VAMP7: variants seen among roughly 807,000 people sequenced by gnomAD.
VAMP7 encodes vesicle-associated membrane protein 7.
VAMP7 carries 14 observed loss-of-function variants against 29.6 expected under a neutral mutation model. The observed-to-expected ratio is 0.47, with a 90% CI of 0.31 to 0.74. The LOEUF (loss-of-function observed/expected upper bound fraction) is 0.74, where lower values mean the gene tolerates loss of function less well. Ranked by LOEUF, VAMP7 falls within the 30% of genes least tolerant of loss-of-function variation. The pLI is 0.05. For missense variants in VAMP7, 223 were observed against 262.4 expected, an observed-to-expected ratio of 0.85 and a Z score of 1.04; for synonymous variants, 95 against 88.1, an observed-to-expected ratio of 1.08 and a Z score of -0.44.
intron 6 of VAMP7, among the ~76,000 whole-genome samples, chrX:155,922,216 T>A (rs2066406473): frequency 6.6e-6 from 1 of 152,052 alleles, no homozygotes; most frequent in Non-Finnish European, 1.5e-5. Context: ...CATTCCTGCC[T>A]TTTATTTTCC....
chrX:155,942,044 T>C lies in VAMP7; in HGVS notation c.*93T>C. The C allele has an allele frequency of 6.2e-7, 1 of 1,608,406 alleles. No homozygotes were observed. The highest frequency in any genetic ancestry group is 8.5e-7 in the Non-Finnish European group (1 of 1,176,790). On this transcript the variant is annotated 3_prime_UTR_variant, in exon 8 of 8. Transcript: ENST00000286448. ...AAGCCTTTCACATACTGACAGATGG[T>C]ATCTGCCAGTCTCTTCAACCCTCTT...
At chrX:155,905,443 T>C (rs1385011101) in intron 5 of VAMP7, among the ~76,000 whole-genome samples, 1 of 152,182 alleles carries the variant, frequency 6.6e-6, no homozygotes, top group Non-Finnish European at 1.5e-5. Context: ...TTTTTTTCTT[T>C]AGTTTGTGCT....
rs5940625 is a variant in VAMP7, at chrX:155,941,873, G to T, written c.595-10G>T. The T allele has an allele frequency of 2.5e-6, 4 of 1,611,498 alleles. No homozygotes were observed. The highest frequency in any genetic ancestry group is 1.3e-5 in the African/African-American group (1 of 74,726). On this transcript the variant is annotated splice_polypyrimidine_tract_variant and intron_variant, in intron 7 of 7. Coordinates refer to ENST00000286448, the MANE Select transcript of VAMP7 (RefSeq NM_005638.6). ...TCAAGAAAATAAAATTGCTCTCCTC[G>T]TCCCTCCAGGTGTTCATCTATATCA...
intron 6 of VAMP7, among the ~76,000 whole-genome samples, chrX:155,938,744 A>G (rs1478748850): frequency 2.6e-5 from 4 of 152,264 alleles, no homozygotes; most frequent in African/African-American, 9.6e-5. Context: ...TGAGCCCAGG[A>G]GGTCAAAGCT....
In VAMP7 at chrX:155,942,351, C is replaced by G; in HGVS notation, c.*400C>G. Reference sequence around the variant, plus strand: ...ATTCAAGAGACAGTATTGCTAACATCTCATCTTAATGTCTTTTGTTATTGA... The same window carrying G: ...ATTCAAGAGACAGTATTGCTAACATGTCATCTTAATGTCTTTTGTTATTGA... On this transcript the variant is annotated 3_prime_UTR_variant, in exon 8 of 8. Coordinates refer to ENST00000286448, the MANE Select transcript of VAMP7 (RefSeq NM_005638.6). The G allele has an allele frequency of 3.4e-6, 2 of 592,734 alleles. No homozygotes were observed. Among genetic ancestry groups the G allele is most frequent in the South Asian group, 2.6e-5 (1 of 38,008 alleles). The allele number at this position is 592,734 out of a possible 1,614,324, so 36.7% of individuals were successfully genotyped here. A position where few individuals can be genotyped will look rare whatever the true frequency, so the allele number is the denominator to read the frequency against.
chrX:155,907,768 C>A (rs1287036602), intron 5 of VAMP7, among the ~76,000 whole-genome samples: 1 of 152,160 alleles, frequency 6.6e-6, no homozygotes, highest in East Asian at 1.9e-4. Context: ...CATCATGGCC[C>A]GTTCTCAATG....
rs779086930 is a variant in VAMP7 at position 155,894,982 on chromosome X, T to C, written c.147-641T>C. 5.3e-5 allele frequency among the ~76,000 whole-genome samples: 8 copies of C among 152,278 alleles called. No individual in the cohort carries two copies. The South Asian group carries it at 1.7e-3, about 32-fold the overall frequency. On this transcript the variant is annotated intron_variant, in intron 2 of 7. Coordinates refer to ENST00000286448, the MANE Select transcript of VAMP7 (RefSeq NM_005638.6). ...CTTCAGGTCTTAAATCAGACATCAC[T>C]TGTTCTGGGAAGTCTTTCTGGTTAC... is the stretch of plus-strand genomic sequence containing the variant.
intron 5 of VAMP7, among the ~76,000 whole-genome samples, chrX:155,914,037 T>C (rs1222798121): frequency 2.0e-5 from 3 of 152,300 alleles, no homozygotes; most frequent in East Asian, 3.9e-4. Flanking sequence ...CTTATTTCCT[T>C]GAGCAGTGGT....
chrX:155,900,593 T>G lies in VAMP7; in HGVS notation c.433+6T>G, dbSNP rs2066048515. The G allele has an allele frequency of 6.3e-7, 1 of 1,599,912 alleles. No individual in the cohort carries two copies. The highest frequency in any genetic ancestry group is 8.5e-7 in the Non-Finnish European group (1 of 1,172,180). On this transcript the variant is annotated splice_donor_region_variant and intron_variant, in intron 5 of 7. Coordinates refer to ENST00000286448, the MANE Select transcript of VAMP7 (RefSeq NM_005638.6). ...AATCATGGTCAGAAACATAGGTATG[T>G]TTCATGGCATAGTTTCATGCATGTG...
chrX:155,916,510 T>A (rs751473256), intron 5 of VAMP7, among the ~76,000 whole-genome samples: 1 of 152,198 alleles, frequency 6.6e-6, no homozygotes, highest in Non-Finnish European at 1.5e-5. Flanking sequence ...TTCCTTTCCA[T>A]ATTTAGTGCT....
At chrX:155,939,493 G>A (rs1294117094) in intron 6 of VAMP7, among the ~76,000 whole-genome samples, 1 of 152,164 alleles carries the variant, frequency 6.6e-6, no homozygotes, top group African/African-American at 2.4e-5. Context: ...AAAGAGGGAA[G>A]CGTTTTCATT....
intron 2 of VAMP7, among the ~76,000 whole-genome samples, chrX:155,891,852 G>A (rs2065928666): frequency 6.6e-6 from 1 of 152,140 alleles, no homozygotes; most frequent in Non-Finnish European, 1.5e-5. Context: ...GTAGGTTTGT[G>A]GGCCTAGAGG....
At chrX:155,919,662 T>TA (rs2066366252) in intron 5 of VAMP7, 151 bp from the exon 6 acceptor site, 1 of 676,850 alleles carries the variant, frequency 1.5e-6, no homozygotes. Context: ...GGGCTAGTCC[T>TA]TGTTTTCGAG....
At chrX:155,935,737 C>T (rs1023419216) in intron 6 of VAMP7, among the ~76,000 whole-genome samples, 3 of 152,158 alleles carry the variant, frequency 2.0e-5, no homozygotes, top group African/African-American at 7.2e-5. Flanking sequence ...TGTTCTGTTG[C>T]TGGTGAGGAG....
Position 155,942,913 on chromosome X carries a change from A to G in VAMP7, c.*962A>G, listed in dbSNP as rs1423160755. The G allele has an allele frequency of 1.3e-5, 2 of 151,528 alleles. No homozygotes were observed. Among genetic ancestry groups the G allele is most frequent in the Non-Finnish European group, 2.9e-5 (2 of 67,904 alleles). 9.4% of individuals were successfully genotyped at this position (151,528 alleles called of 1,614,324 possible). On this transcript the variant is annotated 3_prime_UTR_variant, in exon 8 of 8. Coordinates refer to ENST00000286448, the MANE Select transcript of VAMP7 (RefSeq NM_005638.6). ...CCAAACCGAATACGGTCAGCAGTCA[A>G]CTCCAGGGTTTGGGCTTGATTCCTG...
chrX:155,908,537 G>A (rs189022103), intron 5 of VAMP7, among the ~76,000 whole-genome samples: 1 of 152,174 alleles, frequency 6.6e-6, no homozygotes, highest in Admixed American at 6.5e-5. Context: ...TGGAAAGAGA[G>A]GGAGAGGGAG....
intron 6 of VAMP7, among the ~76,000 whole-genome samples, chrX:155,937,183 G>A (rs1202226245): frequency 6.6e-6 from 1 of 152,014 alleles, no homozygotes; most frequent in Non-Finnish European, 1.5e-5. Context: ...GATAAATACT[G>A]TATGATTTCA....
At chrX:155,900,611 T>C (rs1166589650) in intron 5 of VAMP7, 24 bp downstream of exon 5, 2 of 1,573,556 alleles carry the variant, frequency 1.3e-6, no homozygotes, top group Admixed American at 1.8e-5. Flanking sequence ...CATAGTTTCA[T>C]GCATGTGGGC....
Position 155,889,496 on chromosome X carries a change from G to A in VAMP7, c.30G>A (p.Arg10=), listed in dbSNP as rs771416980. MAILFAVVA[R]GTTILAKHAW... is the part of the protein sequence containing the mutation. ...CGATTCTTTTTGCTGTTGTTGCCAG[G>A]GGGACCACTATCCTTGCCAAACATG... Residue 10 remains arginine (R), a synonymous_variant, in exon 2 of 8, where the codon AGG becomes AGA. Coordinates refer to ENST00000286448, the MANE Select transcript of VAMP7 (RefSeq NM_005638.6). The A allele has an allele frequency of 2.2e-5, 36 of 1,613,584 alleles. No homozygotes were observed. The Admixed American group carries it at 5.7e-4, about 25-fold the overall frequency.
Sources: allele counts gnomAD v4.1 joint callset (sites outside exome capture counted in the v4.1 genomes callset), GRCh38; gene constraint gnomAD v4.1.1; transcripts MANE v1.5; gene names NCBI Gene and HGNC (gene_info 2026-07-23, HGNC 2026-07-21).